Variants in AKR1C8 observed in about 807,000 individuals in gnomAD.
AKR1C8 encodes the protein aldo-keto reductase family 1 member C-like protein 1.
At chr10:5,142,231 GTCT>G in the AKR1C8 span, among the ~76,000 whole-genome samples, 1 of 152,074 alleles carries the variant, frequency 6.6e-6, no homozygotes, top group Non-Finnish European at 1.5e-5. Flanking sequence ...GAGAGTTAAG[GTCT>G]TCTTCTGGAT....
the AKR1C8 span, among the ~76,000 whole-genome samples, chr10:5,131,880 T>G: frequency 6.6e-6 from 1 of 152,062 alleles, no homozygotes; most frequent in Non-Finnish European, 1.5e-5. Context: ...AAAAGACACA[T>G]GCACACACGT....
the AKR1C8 span, among the ~76,000 whole-genome samples, chr10:5,170,109 G>C: frequency 6.6e-6 from 1 of 152,006 alleles, no homozygotes; most frequent in Non-Finnish European, 1.5e-5. Context: ...TTAGTTGTTG[G>C]CACCAGCAGT....
At chr10:5,144,796 T>C in the AKR1C8 span, among the ~76,000 whole-genome samples, 1 of 152,172 alleles carries the variant, frequency 6.6e-6, no homozygotes, top group African/African-American at 2.4e-5. Flanking sequence ...TTTCTAGATA[T>C]ACAATCATGT....
chr10:5,123,963 T>C, the AKR1C8 span: 3 of 930,446 alleles, frequency 3.2e-6, no homozygotes, highest in East Asian at 2.8e-5. Context: ...CAACTAATTA[T>C]CTTTTCCATC....
the AKR1C8 span, among the ~76,000 whole-genome samples, chr10:5,140,359 G>A: frequency 6.6e-6 from 1 of 152,110 alleles, no homozygotes; most frequent in African/African-American, 2.4e-5. Flanking sequence ...TATGTTTACT[G>A]CAGCACTATT....
the AKR1C8 span, chr10:5,162,081 C>T: frequency 2.4e-6 from 1 of 417,054 alleles, no homozygotes; most frequent in South Asian, 1.8e-5. Flanking sequence ...CACTGTGGTC[C>T]AAAGCTAAAA....
At chr10:5,159,018 C>G in the AKR1C8 span, among the ~76,000 whole-genome samples, 14 of 152,056 alleles carry the variant, frequency 9.2e-5, no homozygotes, top group Non-Finnish European at 2.1e-4. Flanking sequence ...AGGGCATATT[C>G]CAGTTCTGAG....
chr10:5,168,344 C>G, the AKR1C8 span, among the ~76,000 whole-genome samples: 1 of 151,984 alleles, frequency 6.6e-6, no homozygotes, highest in African/African-American at 2.4e-5. Context: ...CCCAGGTGCC[C>G]CAGCCCTTCT....
chr10:5,123,479 A>G, the AKR1C8 span: 1 of 477,588 alleles, frequency 2.1e-6, no homozygotes, highest in East Asian at 3.3e-5. Flanking sequence ...CTGAGGCTGG[A>G]TTCAGTTTGT....
At chr10:5,129,008 C>G in the AKR1C8 span, among the ~76,000 whole-genome samples, 2 of 151,994 alleles carry the variant, frequency 1.3e-5, 1 homozygote, top group South Asian at 4.1e-4. Flanking sequence ...GAACATTCTC[C>G]AAGATAGACG....
the AKR1C8 span, among the ~76,000 whole-genome samples, chr10:5,127,134 A>G: frequency 6.6e-6 from 1 of 152,138 alleles, no homozygotes; most frequent in Non-Finnish European, 1.5e-5. Flanking sequence ...AATATTTAAA[A>G]TACCAGATAA....
chr10:5,166,747 AAC>A, the AKR1C8 span, among the ~76,000 whole-genome samples: 3 of 152,192 alleles, frequency 2.0e-5, no homozygotes, highest in Non-Finnish European at 4.4e-5. Context: ...TCATGTCTAA[AAC>A]ACCAAAAGCA....
chr10:5,141,975 C>CT, the AKR1C8 span, among the ~76,000 whole-genome samples: 1 of 151,966 alleles, frequency 6.6e-6, no homozygotes, highest in Non-Finnish European at 1.5e-5. Context: ...TAGATGGCAC[C>CT]TTTTTTGGTA....
At chr10:5,141,090 C>G in the AKR1C8 span, among the ~76,000 whole-genome samples, 1 of 152,144 alleles carries the variant, frequency 6.6e-6, no homozygotes, top group Admixed American at 6.6e-5. Flanking sequence ...ACTGCTTTAT[C>G]AACTATCTTT....
the AKR1C8 span, among the ~76,000 whole-genome samples, chr10:5,137,704 GTTCT>G: frequency 6.6e-6 from 1 of 152,068 alleles, no homozygotes; most frequent in Non-Finnish European, 1.5e-5. Context: ...TTCAGTGTAT[GTTCT>G]TTCTATTTTC....
chr10:5,135,767 A>AC, the AKR1C8 span, among the ~76,000 whole-genome samples: 1 of 108,922 alleles, frequency 9.2e-6, no homozygotes, highest in African/African-American at 3.6e-5. Flanking sequence ...CATGATGCTA[A>AC]AGGAATGACT....
the AKR1C8 span, among the ~76,000 whole-genome samples, chr10:5,180,255 T>A: frequency 6.6e-6 from 1 of 151,984 alleles, no homozygotes; most frequent in Admixed American, 6.5e-5. Flanking sequence ...ACCCTGTTTG[T>A]CTGGGTATCC....
the AKR1C8 span, among the ~76,000 whole-genome samples, chr10:5,119,932 A>G: frequency 1.1e-4 from 17 of 152,124 alleles, no homozygotes; most frequent in Non-Finnish European, 2.4e-4. Flanking sequence ...AGACATGCAA[A>G]AAGTTGTTGG....
At chr10:5,145,984 G>A in the AKR1C8 span, among the ~76,000 whole-genome samples, 1 of 151,946 alleles carries the variant, frequency 6.6e-6, no homozygotes, top group Admixed American at 6.6e-5. Context: ...TTAAGAAAAT[G>A]TGGCACATAT....
Sources: allele counts gnomAD v4.1 joint callset (sites outside exome capture counted in the v4.1 genomes callset), GRCh38; gene constraint gnomAD v4.1.1; transcripts MANE v1.5; gene names NCBI Gene and HGNC (gene_info 2026-07-23, HGNC 2026-07-21).